PIP4K2A: variants seen among roughly 807,000 people sequenced by gnomAD.
The protein encoded by PIP4K2A is phosphatidylinositol 5-phosphate 4-kinase type-2 alpha.
PIP4K2A carries 14 observed loss-of-function variants against 42.9 expected under a neutral mutation model. The observed-to-expected ratio is 0.33, with a 90% confidence interval of 0.22 to 0.51. PIP4K2A has a LOEUF of 0.51. Ranked by LOEUF, PIP4K2A falls within the 20% of genes least tolerant of loss-of-function variation. PIP4K2A has a pLI of 0.97. For missense variants in PIP4K2A, 434 were observed against 519.8 expected, an observed-to-expected ratio of 0.83 and a Z score of 1.61; for synonymous variants, 192 against 192.2, an observed-to-expected ratio of 1.00 and a Z score of 0.01.
In PIP4K2A at chr10:22,550,697, T is replaced by A; in HGVS notation, c.754A>T (p.Lys252Ter). Residue 252 changes from lysine (K) to a stop codon, truncating the protein, a stop_gained, in exon 7 of 10, where the codon AAG becomes TAG. Transcript: ENST00000376573. LOFTEE classifies it high-confidence loss of function. ...TTTAGTTTTTCCAGGAAGACCTTCT[T>A]GTTGTTGTCATCAATATAAATCTTT... ...GQKIYIDDNN[K>*]KVFLEKLKKD... 1 of 1,604,386 alleles carries A rather than the reference T, an allele frequency of 6.2e-7. No individual in the cohort carries two copies. The highest frequency in any genetic ancestry group is 8.5e-7 in the Non-Finnish European group (1 of 1,170,926).
intron 7 of PIP4K2A, among the ~76,000 whole-genome samples, chr10:22,546,994 C>G (rs10828315): frequency 0.36 from 55,121 of 152,008 alleles, 10,869 homozygotes; most frequent in African/African-American, 0.53. Flanking sequence ...CTGGACCTCA[C>G]ATCTGCCTCT....
chr10:22,600,997 T>C (rs1837751695), intron 3 of PIP4K2A, among the ~76,000 whole-genome samples: 1 of 151,586 alleles, frequency 6.6e-6, no homozygotes, highest in Admixed American at 6.6e-5. Flanking sequence ...TGAAAGGCAA[T>C]GACCAACAGA....
At chr10:22,572,625 GA>G (rs369918140) in intron 5 of PIP4K2A, among the ~76,000 whole-genome samples, 1 of 150,164 alleles carries the variant, frequency 6.7e-6, no homozygotes, top group African/African-American at 2.5e-5. Flanking sequence ...GAAAAGAAAA[GA>G]AAAAAAAGTC....
chr10:22,664,152 C>CAT lies in PIP4K2A; in HGVS notation c.144+50030_144+50031insAT, dbSNP rs1350615985. On this transcript the variant is annotated intron_variant, in intron 1 of 9. Coordinates refer to ENST00000376573, the MANE Select transcript of PIP4K2A (RefSeq NM_005028.5). ...ATACATATATATATACATATATATA[C>CAT]ACATATATATATATACATATATATA... Among the ~76,000 whole-genome samples the CAT allele has an allele frequency of 1.2e-3, 24 of 20,866 alleles. 2 individuals are homozygous for CAT. Among genetic ancestry groups the CAT allele is most frequent in the Non-Finnish European group, 1.8e-3 (21 of 11,612 alleles). 13.7% of individuals were successfully genotyped at this position (20,866 alleles called of 152,430 possible).
At chr10:22,576,077 C>T (rs1021239104) in intron 4 of PIP4K2A, among the ~76,000 whole-genome samples, 4 of 152,108 alleles carry the variant, frequency 2.6e-5, no homozygotes, top group Non-Finnish European at 5.9e-5. Flanking sequence ...ATGTACAAAC[C>T]CACAAGTCAT....
chr10:22,658,294 A>C (rs576717734), intron 1 of PIP4K2A, among the ~76,000 whole-genome samples: 1 of 152,354 alleles, frequency 6.6e-6, no homozygotes, highest in South Asian at 2.1e-4. Flanking sequence ...CATAAACTGA[A>C]ACGGAAGAAA....
chr10:22,679,832 G>A (rs561974109), intron 1 of PIP4K2A, among the ~76,000 whole-genome samples: 3 of 152,120 alleles, frequency 2.0e-5, no homozygotes, highest in South Asian at 4.1e-4. Context: ...CAAATCTACA[G>A]AGACAGGAAG....
intron 1 of PIP4K2A, among the ~76,000 whole-genome samples, chr10:22,662,684 A>C (rs1830834377): frequency 6.6e-6 from 1 of 152,166 alleles, no homozygotes. Flanking sequence ...ATGGTTGAAA[A>C]AACTCACAGG....
chr10:22,674,382 CAGAGAAGAGACA>C lies in PIP4K2A; in HGVS notation c.144+39789_144+39800del, dbSNP rs563936453. On this transcript the variant is annotated intron_variant, in intron 1 of 9. Coordinates refer to ENST00000376573, the MANE Select transcript of PIP4K2A (RefSeq NM_005028.5). Reference sequence around the variant, plus strand: ...CTCCTAAGAACCATGCTGTGGTGATCAGAGAAGAGACAAGAGACAAGACACTTGGGAGCAAAA... The same window carrying C: ...CTCCTAAGAACCATGCTGTGGTGATCAGAGACAAGACACTTGGGAGCAAAA... Among the ~76,000 whole-genome samples, 63 of 115,260 alleles carry C rather than the reference CAGAGAAGAGACA, an allele frequency of 5.5e-4. 1 individual carries two copies. In the East Asian group the frequency reaches 0.012, roughly 21 times the overall value. 75.6% of individuals were successfully genotyped at this position (115,260 alleles called of 152,430 possible). A position where few individuals can be genotyped will look rare whatever the true frequency, so the allele number is the denominator to read the frequency against.
At position 22,712,913 on chromosome 10, in the gene PIP4K2A, G is replaced by GGTGTGT. The variant is rs35439666; in HGVS notation, c.144+1264_144+1269dup. The stretch of plus-strand genomic sequence containing the variant: ...TTTTAAACAACTTCACTACATTGAG[G>GGTGTGT]GTGTGTGTGTGTGTGTGTGTGTGTG... On this transcript the variant is annotated intron_variant, in intron 1 of 9. Transcript: ENST00000376573. Among the ~76,000 whole-genome samples the GGTGTGT allele has an allele frequency of 2.0e-3, 299 of 147,596 alleles. 2 individuals are homozygous for GGTGTGT. The highest frequency in any genetic ancestry group is 5.9e-3 in the African/African-American group (236 of 40,100).
In PIP4K2A at chr10:22,615,422, CT is replaced by C. The variant is rs557424255; in HGVS notation, c.145-5706del. On this transcript the variant is annotated intron_variant, in intron 1 of 9. Coordinates refer to ENST00000376573, the MANE Select transcript of PIP4K2A (RefSeq NM_005028.5). The stretch of plus-strand genomic sequence containing the variant: ...GTATTTTTTATACAAAGAATTGACA[CT>C]TTTCTAAGATACTTATATTGGGAAC... Among the ~76,000 whole-genome samples, 797 of 152,264 alleles carry C rather than the reference CT, an allele frequency of 5.2e-3. 10 individuals carry two copies. The highest frequency in any genetic ancestry group is 0.018 in the African/African-American group (753 of 41,536).
intron 1 of PIP4K2A, among the ~76,000 whole-genome samples, chr10:22,704,052 C>T (rs1196384125): frequency 6.6e-6 from 1 of 152,040 alleles, no homozygotes; most frequent in Non-Finnish European, 1.5e-5. Context: ...GTGAAGATAC[C>T]TGGTAAGAAA....
At chr10:22,620,298 TATAATCTGGTACAGAG>T (rs1443191259) in intron 1 of PIP4K2A, among the ~76,000 whole-genome samples, 1 of 152,208 alleles carries the variant, frequency 6.6e-6, no homozygotes, top group Non-Finnish European at 1.5e-5. Flanking sequence ...GCCAAAAATT[TATAATCTGGTACAGAG>T]GTAATACTGG....
chr10:22,559,600 A>G (rs1385337502), intron 6 of PIP4K2A, among the ~76,000 whole-genome samples: 1 of 152,198 alleles, frequency 6.6e-6, no homozygotes, highest in Non-Finnish European at 1.5e-5. Context: ...TCATTTCCAG[A>G]ATACCCCTCA....
intron 6 of PIP4K2A, among the ~76,000 whole-genome samples, chr10:22,561,296 A>G (rs1396842761): frequency 6.6e-6 from 1 of 152,208 alleles, no homozygotes; most frequent in Non-Finnish European, 1.5e-5. Context: ...AAGTGATTCC[A>G]TTGTTAGAAT....
intron 4 of PIP4K2A, among the ~76,000 whole-genome samples, chr10:22,582,418 G>C (rs1225618166): frequency 1.3e-5 from 2 of 151,956 alleles, no homozygotes; most frequent in African/African-American, 4.8e-5. Context: ...AAGCAGAAAG[G>C]GTTCTAAGTG....
intron 5 of PIP4K2A, among the ~76,000 whole-genome samples, chr10:22,572,825 C>A (rs1837022069): frequency 6.6e-6 from 1 of 152,200 alleles, no homozygotes. Flanking sequence ...CAGCAATATT[C>A]TTCCTCAGCT....
intron 3 of PIP4K2A, 46 bp downstream of exon 3, chr10:22,607,881 C>G: frequency 8.0e-7 from 1 of 1,252,558 alleles, no homozygotes; most frequent in Non-Finnish European, 1.2e-6. Flanking sequence ...AAAGTCATGG[C>G]AAAACCCATT....
chr10:22,632,972 T>A (rs1838579989), intron 1 of PIP4K2A, among the ~76,000 whole-genome samples: 1 of 152,180 alleles, frequency 6.6e-6, no homozygotes, highest in Non-Finnish European at 1.5e-5. Flanking sequence ...CCCATAACAA[T>A]ACATCACTAA....
Sources: gnomAD v4.1 joint callset for allele counts (sites outside exome capture counted in the v4.1 genomes callset) on GRCh38, gnomAD v4.1.1 for gene constraint, MANE v1.5 for transcripts, NCBI Gene and HGNC (gene_info 2026-07-23, HGNC 2026-07-21) for gene names.